The following F11 variants were observed in gnomAD, a reference collection of about 807,000 sequenced individuals.
F11 encodes the protein coagulation factor XI, also known as coagualtion factor XI.
In F11, 78 loss-of-function variants were observed where a neutral mutation model predicts 76.5. The ratio of observed to expected loss-of-function variants is 1.02; its 90% CI spans 0.85 to 1.23. The LOEUF is 1.23. Ranked by LOEUF, F11 falls within the 50% of genes most tolerant of loss-of-function variation. The probability of loss-of-function intolerance (pLI) is 0.00; values close to 1 mark genes in which losing one functional copy is unlikely to be tolerated. For missense variants in F11, 742 were observed against 771.4 expected (o/e 0.96, Z 0.45); for synonymous variants, 278 against 276.3 (o/e 1.01, Z -0.06).
Position 186,274,878 on chromosome 4 carries a change from G to T in F11, c.485+603G>T, listed in dbSNP as rs551204639. 124 of 174,582 alleles carry T rather than the reference G, an allele frequency of 7.1e-4. No homozygotes were observed. In the South Asian group the frequency reaches 8.3e-3, roughly 12 times the overall value. 10.8% of individuals were successfully genotyped at this position (174,582 alleles called of 1,614,324 possible). ...ATGATTTAGATTTTCATAGTAAACT[G>T]CATTTATCTGGAATCAACAGAAAAG... On this transcript the variant is annotated intron_variant, in intron 5 of 14. Transcript: ENST00000403665.
At position 186,282,016 on chromosome 4, in the gene F11, T is replaced by G. The variant is rs1178569348; in HGVS notation, c.1135+1436T>G. On this transcript the variant is annotated intron_variant, in intron 10 of 14. Coordinates refer to ENST00000403665, the MANE Select transcript of F11 (RefSeq NM_000128.4). ...AGTCAATTACGTCGTATCTCATACATTCTGTTTTCCTCACAATAAATTTCC... is the reference window on the plus strand; with the variant it reads ...AGTCAATTACGTCGTATCTCATACAGTCTGTTTTCCTCACAATAAATTTCC... 8.8e-6 allele frequency: 11 copies of G among 1,247,748 alleles called. No homozygotes were observed. The East Asian group carries it at 6.5e-4, about 73-fold the overall frequency. 77.3% of individuals were successfully genotyped at this position (1,247,748 alleles called of 1,614,324 possible).
At chr4:186,276,556 C>A (rs915474846) in intron 7 of F11, among the ~76,000 whole-genome samples, 166 bp downstream of exon 7, 2 of 150,452 alleles carry the variant, frequency 1.3e-5, no homozygotes, top group East Asian at 3.9e-4. Context: ...CACCTACTTA[C>A]CACAAACCCA....
intron 13 of F11, 105 bp from the exon 14 acceptor site, chr4:186,287,579 G>A (rs912231328): frequency 1.3e-4 from 55 of 412,542 alleles, no homozygotes; most frequent in African/African-American, 2.8e-4. Flanking sequence ...AAGAGACTCC[G>A]TCTCAATTAA....
In F11 at chr4:186,271,316, G is replaced by C. The variant is rs28376409; in HGVS notation, c.56-293G>C. Among the ~76,000 whole-genome samples the C allele has an allele frequency of 7.6e-3, 1,164 of 152,286 alleles. 15 individuals are homozygous for C. The highest frequency in any genetic ancestry group is 0.027 in the African/African-American group (1,109 of 41,564). On this transcript the variant is annotated intron_variant, in intron 2 of 14. Coordinates refer to ENST00000403665, the MANE Select transcript of F11 (RefSeq NM_000128.4). ...GAGATCCTAAAAAGCAGCAGCTTTT[G>C]CCAGTAAAGATCCTTGAAATGATTC... is the stretch of plus-strand genomic sequence containing the variant.
At chr4:186,287,598 A>G in intron 13 of F11, 86 bp from the exon 14 acceptor site, 2 of 495,156 alleles carry the variant, frequency 4.0e-6, no homozygotes, top group East Asian at 6.6e-5. Flanking sequence ...AAAAATATAT[A>G]TATATATATA....
chr4:186,273,657 T>C (rs1377083141), intron 4 of F11, among the ~76,000 whole-genome samples: 1 of 152,162 alleles, frequency 6.6e-6, no homozygotes, highest in Non-Finnish European at 1.5e-5. Flanking sequence ...CTCACTGTAT[T>C]GCCCAGGCTG....
At chr4:186,268,124 T>C (rs1372366960) in intron 2 of F11, among the ~76,000 whole-genome samples, 1 of 152,110 alleles carries the variant, frequency 6.6e-6, no homozygotes. Context: ...TTAAACAACA[T>C]TGAAGTGAAA....
chr4:186,285,305 CTG>C (rs914301626), intron 11 of F11, among the ~76,000 whole-genome samples: 2 of 151,890 alleles, frequency 1.3e-5, no homozygotes, highest in African/African-American at 4.8e-5. Context: ...GAGATTGAGA[CTG>C]AGTCCAGCGG....
At chr4:186,280,856 CTTTTTTTT>C (rs33985758) in intron 10 of F11, among the ~76,000 whole-genome samples, 9 of 108,176 alleles carry the variant, frequency 8.3e-5, no homozygotes, top group South Asian at 3.2e-4. Flanking sequence ...TTCTTTCTTT[CTTTTTTTT>C]TTTTTTTTTT....
chr4:186,284,187 A>C lies in F11; in HGVS notation c.1231A>C (p.Thr411Pro). 1 of 1,614,220 alleles carries C rather than the reference A, an allele frequency of 6.2e-7. No homozygotes were observed. The highest frequency in any genetic ancestry group is 8.5e-7 in the Non-Finnish European group (1 of 1,180,030). The change falls in exon 11 of 15, where the codon ACT becomes CCT. Residue 411 changes from threonine (T) to proline (P), a missense_variant. By Grantham distance (38) the Thr-to-Pro change is conservative (BLOSUM62 -1). Transcript: ENST00000403665. Reference protein sequence around the residue: ...WQVTLHTTSPTQRHLCGGSII... With the variant: ...WQVTLHTTSPPQRHLCGGSII... ...GGTGACCCTGCACACAACCTCACCC[A>C]CTCAGAGACACCTGTGTGGAGGCTC...
At chr4:186,271,006 C>G (rs879714717) in intron 2 of F11, among the ~76,000 whole-genome samples, 2 of 151,952 alleles carry the variant, frequency 1.3e-5, no homozygotes, top group African/African-American at 2.4e-5. Flanking sequence ...GCGCCCACTC[C>G]GCATTATTAA....
At chr4:186,271,458 C>T (rs1022113480) in intron 2 of F11, 151 bp from the exon 3 acceptor site, 50 of 821,314 alleles carry the variant, frequency 6.1e-5, no homozygotes, top group Non-Finnish European at 9.3e-5. Flanking sequence ...ATTCAATAAA[C>T]TCACATAAAA....
rs1281382924 is a variant in F11, at chr4:186,284,277, T to C, written c.1304+17T>C. The C allele has an allele frequency of 6.3e-7, 1 of 1,584,546 alleles. No individual in the cohort carries two copies. The highest frequency in any genetic ancestry group is 8.7e-7 in the Non-Finnish European group (1 of 1,154,698). On this transcript the variant is annotated intron_variant, in intron 11 of 14. Transcript: ENST00000403665. ...TTTCTATGGGTCAGTACCACGGCTG[T>C]TTTTATTAGTTCATCTTCTTCACAC... is the stretch of plus-strand genomic sequence containing the variant.
chr4:186,278,505 G>A (rs1006320609), intron 7 of F11, among the ~76,000 whole-genome samples: 16 of 152,210 alleles, frequency 1.1e-4, no homozygotes, highest in African/African-American at 3.4e-4. Context: ...CCAGAGTGGA[G>A]ATGAGAGAGA....
At chr4:186,287,177 T>C (rs957661324) in intron 13 of F11, among the ~76,000 whole-genome samples, 11 of 152,034 alleles carry the variant, frequency 7.2e-5, no homozygotes, top group Non-Finnish European at 1.3e-4. Flanking sequence ...GGTTTCATCA[T>C]GTTAGCCAGG....
At chr4:186,287,890 T>G (rs1741328753) in intron 14 of F11, 67 bp downstream of exon 14, 1 of 1,565,628 alleles carries the variant, frequency 6.4e-7, no homozygotes. Context: ...GGGGTTTTTT[T>G]GTTTGTTTTG....
At chr4:186,289,728 G>C (rs1741455210), downstream of F11, among the ~76,000 whole-genome samples, 1 of 148,690 alleles carries the variant, frequency 6.7e-6, no homozygotes. Flanking sequence ...TGTTGCCCAA[G>C]CTGGAGTGCA....
rs5975 is a variant in F11, at chr4:186,287,814, C to T, written c.1707C>T (p.Asp569=). The T allele has an allele frequency of 6.9e-3, 11,127 of 1,612,346 alleles. 428 individuals are homozygous for T. In the African/African-American group the frequency reaches 0.095, roughly 14 times the overall value. ...CCGGCTACAGGGAAGGAGGGAAGGACGCTTGCAAGGTAACAGAGTGTTCTT... is the reference window on the plus strand; with the variant it reads ...CCGGCTACAGGGAAGGAGGGAAGGATGCTTGCAAGGTAACAGAGTGTTCTT... ...ICAGYREGGK[D]ACKGDSGGPL... Residue 569 remains aspartate, a synonymous_variant, in exon 14 of 15, where the codon GAC becomes GAT. Coordinates refer to ENST00000403665, the MANE Select transcript of F11 (RefSeq NM_000128.4).
rs1368427046 is a variant in F11 at position 186,288,996 on chromosome 4, A to T, written c.*382A>T. ...CATAAATAGATTTGTTCGATGAAAG[A>T]TGAAAACTGGAAGAAAGGAGAACAA... is the stretch of plus-strand genomic sequence containing the variant. On this transcript the variant is annotated 3_prime_UTR_variant, in exon 15 of 15. Transcript: ENST00000403665. The T allele has an allele frequency of 3.6e-6, 1 of 277,540 alleles. No individual in the cohort carries two copies. Among genetic ancestry groups the T allele is most frequent in the Non-Finnish European group, 7.0e-6 (1 of 142,522 alleles). The allele number at this position is 277,540 out of a possible 1,614,324, so 17.2% of individuals were successfully genotyped here.
Sources: gnomAD v4.1 joint callset for allele counts (sites outside exome capture counted in the v4.1 genomes callset) on GRCh38, gnomAD v4.1.1 for gene constraint, MANE v1.5 for transcripts, NCBI Gene and HGNC (gene_info 2026-07-23, HGNC 2026-07-21) for gene names.